The following GRIK3 variants were observed in gnomAD, a reference collection of about 807,000 sequenced individuals.
GRIK3 encodes the protein glutamate ionotropic receptor kainate type subunit 3, also known as glutamate receptor ionotropic, kainate 3.
Under a neutral mutation model 102.5 loss-of-function variants are expected in GRIK3, and 29 were observed. That is an observed-to-expected ratio of 0.28 (90% CI 0.21 to 0.39). GRIK3 has a LOEUF of 0.39. GRIK3 is among the 10% of genes least tolerant of loss of function. The pLI is 1.00. For missense variants in GRIK3, 908 were observed against 1,252.4 expected, an observed-to-expected ratio of 0.73 and a Z score of 4.15; for synonymous variants, 511 against 504.9, an observed-to-expected ratio of 1.01 and a Z score of -0.16.
chr1:37,007,765 G>C (rs1461931301), intron 1 of GRIK3, among the ~76,000 whole-genome samples: 2 of 152,222 alleles, frequency 1.3e-5, no homozygotes, highest in Non-Finnish European at 2.9e-5. Context: ...CGCAAAAGCA[G>C]TGAAGTGACT....
chr1:36,913,190 C>T (rs1349252131), intron 1 of GRIK3, among the ~76,000 whole-genome samples: 2 of 152,212 alleles, frequency 1.3e-5, no homozygotes, highest in Non-Finnish European at 2.9e-5. Flanking sequence ...ACCATCCCAA[C>T]TGGGCTCATC....
intron 1 of GRIK3, among the ~76,000 whole-genome samples, chr1:36,963,809 C>T (rs1642052251): frequency 6.6e-6 from 1 of 152,202 alleles, no homozygotes; most frequent in Non-Finnish European, 1.5e-5. Flanking sequence ...GGTGTGACCT[C>T]AGAGGCACCT....
intron 1 of GRIK3, among the ~76,000 whole-genome samples, chr1:36,920,642 C>A (rs1013335207): frequency 3.3e-5 from 5 of 152,176 alleles, no homozygotes; most frequent in Non-Finnish European, 7.3e-5. Flanking sequence ...CCCCCATGCA[C>A]CAGCTCCTGT....
At chr1:36,919,873 G>T (rs1189236552) in intron 1 of GRIK3, among the ~76,000 whole-genome samples, 1 of 152,212 alleles carries the variant, frequency 6.6e-6, no homozygotes, top group South Asian at 2.1e-4. Flanking sequence ...GGAGAGAGGT[G>T]CATGGTGTGG....
At chr1:36,807,634 G>T (rs1484480043) in intron 13 of GRIK3, among the ~76,000 whole-genome samples, 1 of 152,146 alleles carries the variant, frequency 6.6e-6, no homozygotes, top group African/African-American at 2.4e-5. Context: ...CTATTCTCCA[G>T]GTGCTTCCTA....
At chr1:36,815,905 G>A (rs1035442866) in intron 13 of GRIK3, among the ~76,000 whole-genome samples, 17 of 152,020 alleles carry the variant, frequency 1.1e-4, no homozygotes, top group African/African-American at 3.4e-4. Flanking sequence ...GATTACAGGT[G>A]CACGTCACCT....
intron 1 of GRIK3, among the ~76,000 whole-genome samples, chr1:36,982,526 T>C (rs985270730): frequency 6.6e-6 from 1 of 152,160 alleles, no homozygotes; most frequent in Non-Finnish European, 1.5e-5. Context: ...GCCAAAAGAA[T>C]AGATGTGCAT....
intron 1 of GRIK3, among the ~76,000 whole-genome samples, chr1:37,010,379 T>G (rs1007041390): frequency 6.6e-6 from 1 of 152,224 alleles, no homozygotes; most frequent in Non-Finnish European, 1.5e-5. Flanking sequence ...GTCTACTGAG[T>G]GCTTTCTGTT....
intron 1 of GRIK3, among the ~76,000 whole-genome samples, chr1:36,927,839 CA>C (rs1349772359): frequency 6.6e-6 from 1 of 152,040 alleles, no homozygotes; most frequent in Non-Finnish European, 1.5e-5. Context: ...CCCCGAGAGG[CA>C]GGGGGAGAGA....
intron 1 of GRIK3, among the ~76,000 whole-genome samples, chr1:37,017,393 A>AAAAG (rs1553128527): frequency 1.3e-5 from 2 of 150,768 alleles, no homozygotes; most frequent in African/African-American, 2.4e-5. Context: ...AAAAAAAAAA[A>AAAAG]AAGAAGAAGA....
At position 36,822,493 on chromosome 1, in the gene GRIK3, C is replaced by T. The variant is rs528927412; in HGVS notation, c.1755-2639G>A. Among the ~76,000 whole-genome samples, 16 of 152,212 alleles carry T rather than the reference C, an allele frequency of 1.1e-4. No individual in the cohort carries two copies. The South Asian group carries it at 2.3e-3, about 22-fold the overall frequency. On this transcript the variant is annotated intron_variant, in intron 11 of 15. Transcript: ENST00000373091. ...CAGGAGAGAAGAGGAGTGGGATGGT[C>T]GCAGGACGAGGAGGGAAGGTGTCAT...
chr1:36,896,481 AG>A, intron 1 of GRIK3, among the ~76,000 whole-genome samples: 1 of 152,258 alleles, frequency 6.6e-6, no homozygotes. Flanking sequence ...TGCAAACTCT[AG>A]GGCAACTACT....
chr1:37,021,078 C>T (rs1213137995), intron 1 of GRIK3, among the ~76,000 whole-genome samples: 7 of 149,660 alleles, frequency 4.7e-5, no homozygotes, highest in Non-Finnish European at 1.0e-4. Context: ...AAATGTAAAA[C>T]TTCAAATTTG....
At position 36,910,774 on chromosome 1, in the gene GRIK3, A is replaced by G. The variant is rs1453119225; in HGVS notation, c.116-19678T>C. 2.0e-5 allele frequency among the ~76,000 whole-genome samples: 3 copies of G among 152,174 alleles called. 1 individual carries two copies. The East Asian group carries it at 5.8e-4, about 29-fold the overall frequency. On this transcript the variant is annotated intron_variant, in intron 1 of 15. Transcript: ENST00000373091. ...ATATACTCATTAACTCATTCATTCC[A>G]TAAGCAGGTAATTGGCTACAATCTG...
At chr1:36,940,659 C>A (rs1023547810) in intron 1 of GRIK3, among the ~76,000 whole-genome samples, 3 of 152,188 alleles carry the variant, frequency 2.0e-5, no homozygotes, top group Non-Finnish European at 4.4e-5. Context: ...ATCTGAGGGG[C>A]CTGGCAGAGG....
Position 36,914,849 on chromosome 1 carries a change from G to A in GRIK3, c.116-23753C>T, listed in dbSNP as rs141426214. Among the ~76,000 whole-genome samples the A allele has an allele frequency of 1.6e-4, 25 of 152,330 alleles. 1 individual carries two copies. The highest frequency in any genetic ancestry group is 5.3e-4 in the African/African-American group (22 of 41,584). The stretch of plus-strand genomic sequence containing the variant: ...TAGACTCTCATTTATGCATGTGTAT[G>A]CACCTGGGCAGGTGTGAGCACACAT... On this transcript the variant is annotated intron_variant, in intron 1 of 15. Coordinates refer to ENST00000373091, the MANE Select transcript of GRIK3 (RefSeq NM_000831.4).
At chr1:36,933,211 G>A (rs1234870509) in intron 1 of GRIK3, among the ~76,000 whole-genome samples, 2 of 152,152 alleles carry the variant, frequency 1.3e-5, no homozygotes. Flanking sequence ...CAGCTTCAGA[G>A]CCTTGATTCT....
At position 37,004,380 on chromosome 1, in the gene GRIK3, G is replaced by A. The variant is rs557249910; in HGVS notation, c.115+29614C>T. On this transcript the variant is annotated intron_variant, in intron 1 of 15. Coordinates refer to ENST00000373091, the MANE Select transcript of GRIK3 (RefSeq NM_000831.4). ...GAATCACACAAAGAGGTAGGGAATT[G>A]TTACTGCAATTGTTCCCTCTGAGAG... Among the ~76,000 whole-genome samples, 26 of 152,318 alleles carry A rather than the reference G, an allele frequency of 1.7e-4. No individual in the cohort carries two copies. In the South Asian group the frequency reaches 4.1e-3, roughly 24 times the overall value.
Position 36,799,374 on chromosome 1 carries a change from A to G in GRIK3, c.*2477T>C, listed in dbSNP as rs1165712739. The G allele has an allele frequency of 6.6e-6, 1 of 152,128 alleles. No individual in the cohort carries two copies. The highest frequency in any genetic ancestry group is 1.5e-5 in the Non-Finnish European group (1 of 68,056). The allele number at this position is 152,128 out of a possible 1,614,324, so 9.4% of individuals were successfully genotyped here. On this transcript the variant is annotated 3_prime_UTR_variant, in exon 16 of 16. Coordinates refer to ENST00000373091, the MANE Select transcript of GRIK3 (RefSeq NM_000831.4). ...TGGAACATATGTGTGTGTCCCACACACTCGGAAACTTCAACTCCACGTGGC... is the reference window on the plus strand; with the variant it reads ...TGGAACATATGTGTGTGTCCCACACGCTCGGAAACTTCAACTCCACGTGGC...
Sources: gnomAD v4.1 joint callset for allele counts (sites outside exome capture counted in the v4.1 genomes callset) on GRCh38, gnomAD v4.1.1 for gene constraint, MANE v1.5 for transcripts, NCBI Gene and HGNC (gene_info 2026-07-23, HGNC 2026-07-21) for gene names.